Variants in R3HDM2 observed in about 807,000 individuals in gnomAD.
The protein encoded by R3HDM2 is R3H domain-containing protein 2.
R3HDM2 carries 38 observed loss-of-function variants against 124.5 expected under a neutral mutation model. The observed-to-expected ratio is 0.31, with a 90% confidence interval of 0.24 to 0.40. The LOEUF (loss-of-function observed/expected upper bound fraction) is 0.40, where lower values mean the gene tolerates loss of function less well. Among genes scored for constraint, R3HDM2 ranks in the 10% least tolerant of loss-of-function variants. The pLI is 1.00. For synonymous variants in R3HDM2, 391 were observed against 448.0 expected (o/e 0.87, Z 1.61); for missense variants, 869 against 1,236.9 (o/e 0.70, Z 4.46).
chr12:57,275,731 A>T (rs2044543810), intron 14 of R3HDM2, among the ~76,000 whole-genome samples: 1 of 152,228 alleles, frequency 6.6e-6, no homozygotes, highest in South Asian at 2.1e-4. Context: ...GCTCAACATC[A>T]CTAATGATCA....
At chr12:57,385,985 T>C (rs1236817052) in intron 2 of R3HDM2, among the ~76,000 whole-genome samples, 2 of 152,250 alleles carry the variant, frequency 1.3e-5, no homozygotes, top group East Asian at 3.9e-4. Context: ...AATGCAGTTA[T>C]GAGAATCCAG....
At chr12:57,374,412 G>A (rs1324496401) in intron 2 of R3HDM2, among the ~76,000 whole-genome samples, 2 of 151,832 alleles carry the variant, frequency 1.3e-5, no homozygotes, top group East Asian at 1.9e-4. Flanking sequence ...AGACCAGGCC[G>A]GGCGTGGTGG....
intron 11 of R3HDM2, among the ~76,000 whole-genome samples, chr12:57,290,917 TTGC>T (rs2048440808): frequency 6.6e-6 from 1 of 152,212 alleles, no homozygotes; most frequent in Non-Finnish European, 1.5e-5. Flanking sequence ...CAACCAGTAC[TTGC>T]TGCTATTAAC....
At chr12:57,304,558 A>G in intron 3 of R3HDM2, 1 of 964,442 alleles carries the variant, frequency 1.0e-6, no homozygotes, top group Non-Finnish European at 1.2e-6. Context: ...TGCAAAATGG[A>G]GAACTGGGAA....
At chr12:57,361,466 A>G (rs1168198858) in intron 2 of R3HDM2, among the ~76,000 whole-genome samples, 2 of 151,542 alleles carry the variant, frequency 1.3e-5, no homozygotes, top group African/African-American at 4.8e-5. Flanking sequence ...CAGGAGGATC[A>G]TTTGAGGCTG....
intron 2 of R3HDM2, among the ~76,000 whole-genome samples, chr12:57,340,056 G>T (rs535384218): frequency 6.6e-6 from 1 of 152,128 alleles, no homozygotes; most frequent in Admixed American, 6.5e-5. Context: ...GAAAATAAAA[G>T]ATTTCAAAAG....
At chr12:57,414,814 C>G (rs2069406496) in intron 1 of R3HDM2, among the ~76,000 whole-genome samples, 1 of 145,820 alleles carries the variant, frequency 6.9e-6, no homozygotes, top group South Asian at 2.2e-4. Context: ...GCCTGGGTGA[C>G]AAGAGCAAAA....
chr12:57,265,961 TA>T (rs938614887), intron 19 of R3HDM2, among the ~76,000 whole-genome samples: 1 of 151,786 alleles, frequency 6.6e-6, no homozygotes, highest in African/African-American at 2.4e-5. Flanking sequence ...CATGCCCAGC[TA>T]ATTTTTGTAT....
intron 1 of R3HDM2, among the ~76,000 whole-genome samples, chr12:57,399,111 A>G (rs2067831919): frequency 6.6e-6 from 1 of 152,182 alleles, no homozygotes; most frequent in Non-Finnish European, 1.5e-5. Flanking sequence ...GAAGCGTTCT[A>G]TAAACCTTTA....
intron 23 of R3HDM2, 37 bp downstream of exon 23, chr12:57,255,953 G>A: frequency 6.3e-7 from 1 of 1,575,564 alleles, no homozygotes; most frequent in Non-Finnish European, 8.7e-7. Flanking sequence ...GGAAGGGTGG[G>A]CACCTTCTCT....
chr12:57,377,387 T>C (rs1337022113), intron 2 of R3HDM2, among the ~76,000 whole-genome samples: 1 of 152,110 alleles, frequency 6.6e-6, no homozygotes, highest in Non-Finnish European at 1.5e-5. Flanking sequence ...ACAGCCTGAA[T>C]TGCCACCACA....
intron 19 of R3HDM2, among the ~76,000 whole-genome samples, chr12:57,262,883 G>A (rs73338185): frequency 0.062 from 9,513 of 152,232 alleles, 409 homozygotes; most frequent in East Asian, 0.2. Context: ...TCAGTCAGAA[G>A]CCTAGGATCA....
In R3HDM2 at chr12:57,324,429, T is replaced by A. The variant is rs930460742; in HGVS notation, c.-35-13966A>T. On this transcript the variant is annotated intron_variant, in intron 2 of 23. Coordinates refer to ENST00000402412, the MANE Select transcript of R3HDM2 (RefSeq NM_001394031.1). ...AACTCCTGACCTCAGGTGATCCATC[T>A]GCCTCAGCCTCCCAAAGTGCTGGGA... Among the ~76,000 whole-genome samples the A allele has an allele frequency of 2.6e-4, 40 of 152,328 alleles. 1 individual carries two copies. Among genetic ancestry groups the A allele is most frequent in the African/African-American group, 9.4e-4 (39 of 41,582 alleles).
Position 57,356,290 on chromosome 12 carries a change from A to T in R3HDM2, c.-36+39459T>A, listed in dbSNP as rs866829877. 6.1e-4 allele frequency among the ~76,000 whole-genome samples: 93 copies of T among 151,744 alleles called. 2 individuals are homozygous for T. Among genetic ancestry groups the T allele is most frequent in the Non-Finnish European group, 3.1e-4 (21 of 67,950 alleles). ...GAATGAAGCCTGAATTTTTTTTTTT[A>T]AACCCAGTGGTTCTTAAGGAAGCTG... On this transcript the variant is annotated intron_variant, in intron 2 of 23. Coordinates refer to ENST00000402412, the MANE Select transcript of R3HDM2 (RefSeq NM_001394031.1).
intron 5 of R3HDM2, 70 bp from the exon 6 acceptor site, chr12:57,299,548 A>C: frequency 4.4e-5 from 63 of 1,431,266 alleles, no homozygotes; most frequent in Non-Finnish European, 5.4e-5. Flanking sequence ...TTGGAATCTC[A>C]AAGAAGGTAA....
intron 11 of R3HDM2, among the ~76,000 whole-genome samples, chr12:57,289,431 C>G (rs1314165525): frequency 6.6e-6 from 1 of 152,132 alleles, no homozygotes; most frequent in Non-Finnish European, 1.5e-5. Flanking sequence ...AAAAGGGAGA[C>G]AAGAGAAAGA....
rs769130638 is a variant in R3HDM2, at chr12:57,268,430, C to A, written c.1903G>T (p.Val635Leu). 3 of 1,614,128 alleles carry A rather than the reference C, an allele frequency of 1.9e-6. No homozygotes were observed. The highest frequency in any genetic ancestry group is 2.5e-6 in the Non-Finnish European group (3 of 1,180,032). Residue 635 changes from valine to leucine, a missense_variant, in exon 18 of 24, where the codon GTG becomes TTG. Around this residue, in one of 2 missense-constraint regions of R3HDM2, gnomAD observed 602 missense variants for 789.2 expected, o/e 0.76. Coordinates refer to ENST00000402412, the MANE Select transcript of R3HDM2 (RefSeq NM_001394031.1). ...GGTTGCTGGAAAGGCGGCTGGACCA[C>A]ATTTTGCGAGTCACTACCCACTGGA... ...QVPVGSDSQN[V>L]VQPPFQQPML...
chr12:57,338,164 A>G (rs749835582), intron 2 of R3HDM2, among the ~76,000 whole-genome samples: 12 of 152,214 alleles, frequency 7.9e-5, no homozygotes, highest in Middle Eastern at 6.8e-3. Context: ...TTATCCGGGC[A>G]TGGTGGCGCA....
intron 14 of R3HDM2, among the ~76,000 whole-genome samples, chr12:57,279,698 C>CA (rs2045704970): frequency 6.6e-6 from 1 of 151,946 alleles, no homozygotes; most frequent in Admixed American, 6.6e-5. Context: ...AAACAGAATA[C>CA]TGAAGTTCTG....
Sources: allele counts gnomAD v4.1 joint callset (sites outside exome capture counted in the v4.1 genomes callset), GRCh38; gene constraint gnomAD v4.1.1; regional missense constraint gnomAD v4.1.1; transcripts MANE v1.5; gene names NCBI Gene and HGNC (gene_info 2026-07-23, HGNC 2026-07-21).